STX7: variants seen among roughly 807,000 people sequenced by gnomAD.
STX7 encodes syntaxin-7.
Under a neutral mutation model 39.6 loss-of-function variants are expected in STX7, and 34 were observed. That is an observed-to-expected ratio of 0.86 (90% CI 0.65 to 1.14). The LOEUF is 1.14. STX7 is among the 50% of genes most tolerant of loss of function. The probability of loss-of-function intolerance (pLI) is 0.00; values close to 1 mark genes in which losing one functional copy is unlikely to be tolerated. For missense variants in STX7, 284 were observed against 310.4 expected (o/e 0.92, Z 0.64); for synonymous variants, 119 against 99.1 (o/e 1.20, Z -1.19).
At chr6:132,470,136 T>G in intron 6 of STX7, 89 bp from the exon 7 acceptor site, 1 of 923,236 alleles carries the variant, frequency 1.1e-6, no homozygotes, top group South Asian at 2.1e-5. Flanking sequence ...ATTCATTAAA[T>G]AGGATATTTT....
intron 2 of STX7, among the ~76,000 whole-genome samples, chr6:132,499,648 G>A (rs762966974): frequency 2.0e-5 from 3 of 151,986 alleles, no homozygotes; most frequent in Non-Finnish European, 2.9e-5. Flanking sequence ...TTACCTCACA[G>A]GTCACTCCTT....
At chr6:132,509,262 A>G (rs1316833751) in intron 1 of STX7, among the ~76,000 whole-genome samples, 1 of 151,990 alleles carries the variant, frequency 6.6e-6, no homozygotes, top group Admixed American at 6.6e-5. Context: ...GATTGAGACC[A>G]TCCTGGCCAA....
intron 9 of STX7, among the ~76,000 whole-genome samples, chr6:132,463,073 T>C (rs1008619928): frequency 6.6e-5 from 10 of 151,770 alleles, no homozygotes; most frequent in African/African-American, 2.4e-4. Context: ...AATACAAAAA[T>C]TAGCCAGGCG....
At chr6:132,496,827 C>T (rs2114456620) in intron 2 of STX7, among the ~76,000 whole-genome samples, 1 of 152,236 alleles carries the variant, frequency 6.6e-6, no homozygotes, top group Non-Finnish European at 1.5e-5. Context: ...GAAATGTTTC[C>T]GATTATCTCA....
chr6:132,460,859 GCA>G lies in STX7; in HGVS notation c.694-11_694-10del. The G allele has an allele frequency of 6.2e-7, 1 of 1,607,966 alleles. No homozygotes were observed. Among genetic ancestry groups the G allele is most frequent in the Non-Finnish European group, 8.5e-7 (1 of 1,177,504 alleles). On this transcript the variant is annotated splice_polypyrimidine_tract_variant and intron_variant, in intron 9 of 9. Coordinates refer to ENST00000367941, the MANE Select transcript of STX7 (RefSeq NM_003569.3). ...GTTTTTCTGGATTTGCGCTGCAGAC[GCA>G]AAAAACAAAACAAAACAAAAAAACA...
chr6:132,459,976 G>A lies in STX7; in HGVS notation c.*782C>T, dbSNP rs1262708903. ...ACTAGTTTAGTGGAATAACAAACTG[G>A]GGTCTTAAGAATCCAAACGCAATAG... On this transcript the variant is annotated 3_prime_UTR_variant, in exon 10 of 10. Transcript: ENST00000367941. The A allele has an allele frequency of 6.6e-6, 1 of 152,110 alleles. No homozygotes were observed. The highest frequency in any genetic ancestry group is 2.4e-5 in the African/African-American group (1 of 41,416). The allele number at this position is 152,110 out of a possible 1,614,324, so 9.4% of individuals were successfully genotyped here. A position where few individuals can be genotyped will look rare whatever the true frequency, so the allele number is the denominator to read the frequency against.
chr6:132,490,394 T>G (rs1007211309), intron 2 of STX7, among the ~76,000 whole-genome samples: 2 of 152,204 alleles, frequency 1.3e-5, no homozygotes, highest in Non-Finnish European at 2.9e-5. Flanking sequence ...TCTAAAACAC[T>G]GAAAATCGAT....
intron 1 of STX7, among the ~76,000 whole-genome samples, chr6:132,512,267 TAAG>T (rs1775865855): frequency 6.7e-6 from 1 of 150,368 alleles, no homozygotes; most frequent in Non-Finnish European, 1.5e-5. Flanking sequence ...CGTATACAGA[TAAG>T]AGCCAAACAA....
At chr6:132,482,418 A>G (rs1775034952) in intron 2 of STX7, among the ~76,000 whole-genome samples, 1 of 152,194 alleles carries the variant, frequency 6.6e-6, no homozygotes, top group Non-Finnish European at 1.5e-5. Flanking sequence ...TTTGGAAAAA[A>G]TATTATACGG....
At chr6:132,495,464 G>A (rs753047429) in intron 2 of STX7, among the ~76,000 whole-genome samples, 3 of 152,082 alleles carry the variant, frequency 2.0e-5, no homozygotes, top group Non-Finnish European at 2.9e-5. Flanking sequence ...AGCATTTTAG[G>A]AGGAGGGAAG....
At chr6:132,506,239 C>T (rs1469119403) in intron 1 of STX7, among the ~76,000 whole-genome samples, 1 of 151,956 alleles carries the variant, frequency 6.6e-6, no homozygotes, top group African/African-American at 2.4e-5. Context: ...AGACAAAAAA[C>T]AGACAAAATG....
intron 1 of STX7, among the ~76,000 whole-genome samples, chr6:132,503,884 T>C (rs958122079): frequency 2.6e-5 from 4 of 152,234 alleles, no homozygotes; most frequent in East Asian, 1.9e-4. Flanking sequence ...CTTACCTGTA[T>C]ATAATTTTAG....
chr6:132,505,763 A>AC (rs1417591716), intron 1 of STX7, among the ~76,000 whole-genome samples: 1 of 129,886 alleles, frequency 7.7e-6, no homozygotes, highest in Admixed American at 7.4e-5. Flanking sequence ...AAAAAAAAAA[A>AC]ACACAGGTTT....
At chr6:132,486,625 T>A (rs1775138250) in intron 2 of STX7, among the ~76,000 whole-genome samples, 1 of 151,976 alleles carries the variant, frequency 6.6e-6, no homozygotes, top group South Asian at 2.1e-4. Flanking sequence ...TCTGCATTTA[T>A]GTCATGAGAT....
chr6:132,467,374 T>C lies in STX7; in HGVS notation c.610+1029A>G, dbSNP rs529481425. 3.3e-5 allele frequency among the ~76,000 whole-genome samples: 5 copies of C among 152,278 alleles called. No homozygotes were observed. In the South Asian group the frequency reaches 1.0e-3, roughly 32 times the overall value. On this transcript the variant is annotated intron_variant, in intron 8 of 9. Transcript: ENST00000367941. ...CCTATCAGTAAGTACCTATCATACC[T>C]AACTACCCTGTGTCAAGCAGCAACA...
intron 1 of STX7, among the ~76,000 whole-genome samples, chr6:132,509,247 C>T (rs748611575): frequency 6.6e-6 from 1 of 151,966 alleles, no homozygotes; most frequent in Non-Finnish European, 1.5e-5. Context: ...ATGACAAGGT[C>T]AAGAGATTGA....
At chr6:132,472,183 A>G in intron 4 of STX7, 99 bp downstream of exon 4, 1 of 833,924 alleles carries the variant, frequency 1.2e-6, no homozygotes, top group Non-Finnish European at 1.9e-6. Context: ...TTTCCTTTCT[A>G]GCATAATTTC....
rs1774216848 is a variant in STX7, at chr6:132,455,136, T to C, written c.*5622A>G. On this transcript the variant is annotated 3_prime_UTR_variant, in exon 10 of 10. Transcript: ENST00000367941. The stretch of plus-strand genomic sequence containing the variant: ...GATCTGAGAGCTTTTCACCGTCAAG[T>C]TTTTAGCTATACAAGTTATTAAAAA... 6.6e-6 allele frequency: 1 copy of C among 152,180 alleles called. No individual in the cohort carries two copies. The highest frequency in any genetic ancestry group is 1.5e-5 in the Non-Finnish European group (1 of 68,024). 9.4% of individuals were successfully genotyped at this position (152,180 alleles called of 1,614,324 possible). A position where few individuals can be genotyped will look rare whatever the true frequency, so the allele number is the denominator to read the frequency against.
chr6:132,506,888 C>T (rs1775717671), intron 1 of STX7, among the ~76,000 whole-genome samples: 1 of 152,016 alleles, frequency 6.6e-6, no homozygotes, highest in African/African-American at 2.4e-5. Context: ...TGGAATTAAC[C>T]TAAGTGCCCA....
Sources: gnomAD v4.1 joint callset for allele counts (sites outside exome capture counted in the v4.1 genomes callset) on GRCh38, gnomAD v4.1.1 for gene constraint, MANE v1.5 for transcripts, NCBI Gene and HGNC (gene_info 2026-07-23, HGNC 2026-07-21) for gene names.